The following RAB3GAP2 variants were observed in gnomAD, a reference collection of about 807,000 sequenced individuals.
The protein encoded by RAB3GAP2 is RAB3 GTPase activating non-catalytic protein subunit 2, also known as rab3 GTPase-activating protein non-catalytic subunit.
In RAB3GAP2, 87 loss-of-function variants were observed where a neutral mutation model predicts 185.3. The observed-to-expected ratio is 0.47, with a 90% CI of 0.39 to 0.56. The LOEUF (loss-of-function observed/expected upper bound fraction) is 0.56. Among genes scored for constraint, RAB3GAP2 ranks in the 20% least tolerant of loss-of-function variants. The pLI is 0.00. For synonymous variants in RAB3GAP2, 554 were observed against 576.1 expected, an observed-to-expected ratio of 0.96 and a Z score of 0.55; for missense variants, 1,492 against 1,638.2, an observed-to-expected ratio of 0.91 and a Z score of 1.54.
Position 220,148,906 on chromosome 1 carries a change from A to AATT in RAB3GAP2, c.*2342_*2344dup, listed in dbSNP as rs1223799576. On this transcript the variant is annotated 3_prime_UTR_variant, in exon 35 of 35. Coordinates refer to ENST00000358951, the MANE Select transcript of RAB3GAP2 (RefSeq NM_012414.4). ...GTTTTCCTTCAGCATTATACAATATAATTTAATAAGATACAAATGCATATT... is the reference window on the plus strand; with the variant it reads ...GTTTTCCTTCAGCATTATACAATATAATTATTTAATAAGATACAAATGCATATT... 6.6e-6 allele frequency: 1 copy of AATT among 152,170 alleles called. No homozygotes were observed. Among genetic ancestry groups the AATT allele is most frequent in the Admixed American group, 6.5e-5 (1 of 15,278 alleles). 9.4% of individuals were successfully genotyped at this position (152,170 alleles called of 1,614,324 possible).
intron 2 of RAB3GAP2, among the ~76,000 whole-genome samples, chr1:220,227,791 G>A (rs771823568): frequency 6.6e-6 from 1 of 152,188 alleles, no homozygotes; most frequent in Non-Finnish European, 1.5e-5. Context: ...TTACTCTGTT[G>A]CTCAGGCTGG....
At chr1:220,190,038 T>C (rs767610094) in intron 16 of RAB3GAP2, 26 bp downstream of exon 16, 1 of 1,519,586 alleles carries the variant, frequency 6.6e-7, no homozygotes. Flanking sequence ...CAATATGCTT[T>C]ATTATTTGTA....
chr1:220,211,125 T>C (rs758818509), intron 4 of RAB3GAP2, 123 bp from the exon 5 acceptor site: 39 of 921,724 alleles, frequency 4.2e-5, no homozygotes, highest in Non-Finnish European at 5.5e-5. Context: ...TTTTATTTGA[T>C]GCATAAGTAA....
At chr1:220,174,480 A>T (rs1183327988) in intron 21 of RAB3GAP2, among the ~76,000 whole-genome samples, 1 of 152,196 alleles carries the variant, frequency 6.6e-6, no homozygotes, top group Non-Finnish European at 1.5e-5. Flanking sequence ...AAATAAGCAC[A>T]TCATGAAGAA....
intron 2 of RAB3GAP2, among the ~76,000 whole-genome samples, chr1:220,226,229 T>A (rs1659399694): frequency 6.6e-6 from 1 of 152,164 alleles, no homozygotes; most frequent in Admixed American, 6.5e-5. Flanking sequence ...AGTCTATACT[T>A]CCTACCATTG....
chr1:220,239,989 T>TAAAAAA (rs146214516), intron 1 of RAB3GAP2, among the ~76,000 whole-genome samples: 3 of 135,010 alleles, frequency 2.2e-5, no homozygotes, highest in Admixed American at 7.4e-5. Context: ...TTTTGAAGAT[T>TAAAAAA]AAAAAAAAAA....
chr1:220,195,211 G>T (rs780036040), intron 11 of RAB3GAP2, 44 bp from the exon 12 acceptor site: 30 of 1,606,614 alleles, frequency 1.9e-5, no homozygotes, highest in Non-Finnish European at 2.4e-5. Context: ...AGCTTCCAGG[G>T]TTTTAAAGTG....
At position 220,184,027 on chromosome 1, in the gene RAB3GAP2, A is replaced by T; in HGVS notation, c.1998+9T>A. On this transcript the variant is annotated intron_variant, in intron 19 of 34. Transcript: ENST00000358951. ...TATTTTATATAATATAAAATGTGGG[A>T]TTACTCACATTATCAGAGAATGGTG... The T allele has an allele frequency of 6.6e-7, 1 of 1,524,124 alleles. No homozygotes were observed. The highest frequency in any genetic ancestry group is 1.2e-5 in the South Asian group (1 of 85,746). 94.4% of individuals were successfully genotyped at this position (1,524,124 alleles called of 1,614,324 possible).
intron 17 of RAB3GAP2, among the ~76,000 whole-genome samples, chr1:220,186,789 T>C (rs1370187689): frequency 6.6e-6 from 1 of 152,138 alleles, no homozygotes; most frequent in East Asian, 1.9e-4. Flanking sequence ...CAAGAAGACA[T>C]TTTGCATTAT....
Position 220,171,952 on chromosome 1 carries a change from C to T in RAB3GAP2, c.2514G>A (p.Leu838=), listed in dbSNP as rs752047378. 1 of 1,614,190 alleles carries T rather than the reference C, an allele frequency of 6.2e-7. No homozygotes were observed. Among genetic ancestry groups the T allele is most frequent in the South Asian group, 1.1e-5 (1 of 91,078 alleles). ...CAGAATGCCCAACATGCGCAGACAA[C>T]AGAGCGGCTCCATTGTTCTCAGACT... ...CIQSENNGAA[L]LSAHVGHSVA... is the part of the protein sequence containing the mutation. The change falls in exon 23 of 35, where the codon CTG becomes CTA. Residue 838 remains leucine (L), a synonymous_variant. Transcript: ENST00000358951.
In RAB3GAP2 at chr1:220,157,670, G is replaced by C. The variant is rs937507824; in HGVS notation, c.3336+132C>G. On this transcript the variant is annotated intron_variant, in intron 30 of 34. Coordinates refer to ENST00000358951, the MANE Select transcript of RAB3GAP2 (RefSeq NM_012414.4). ...AATAAGAAAACATCACTACCTTCTGGGCTCAAGTCAAAATTTAGAAATGAA... is the reference window on the plus strand; with the variant it reads ...AATAAGAAAACATCACTACCTTCTGCGCTCAAGTCAAAATTTAGAAATGAA... 3.8e-6 allele frequency: 4 copies of C among 1,051,842 alleles called. No individual in the cohort carries two copies. The African/African-American group carries it at 6.4e-5, about 17-fold the overall frequency. The allele number at this position is 1,051,842 out of a possible 1,614,324, so 65.2% of individuals were successfully genotyped here.
intron 1 of RAB3GAP2, chr1:220,254,397 T>C (rs1659996116): frequency 1.2e-5 from 19 of 1,613,040 alleles, no homozygotes; most frequent in South Asian, 5.5e-5. Flanking sequence ...TGTTGGCCTA[T>C]ACACCTCTGG....
chr1:220,267,564 T>C (rs1345080325), intron 1 of RAB3GAP2: 1 of 1,376,850 alleles, frequency 7.3e-7, no homozygotes. Flanking sequence ...TTCATTTTTC[T>C]GTTTTGATGC....
intron 21 of RAB3GAP2, among the ~76,000 whole-genome samples, chr1:220,181,403 G>A (rs555723563): frequency 2.6e-5 from 4 of 152,310 alleles, no homozygotes; most frequent in African/African-American, 9.6e-5. Flanking sequence ...GTGTATGCAT[G>A]CATGTGTAGG....
chr1:220,157,696 T>C (rs1278820534), intron 30 of RAB3GAP2, 106 bp downstream of exon 30: 11 of 1,140,620 alleles, frequency 9.6e-6, no homozygotes, highest in East Asian at 2.5e-5. Flanking sequence ...TAGAAATGAA[T>C]GAATGAAAAA....
At chr1:220,190,655 C>T in intron 14 of RAB3GAP2, 135 bp from the exon 15 acceptor site, 1 of 863,606 alleles carries the variant, frequency 1.2e-6, no homozygotes, top group Non-Finnish European at 1.8e-6. Context: ...ATACTGATAG[C>T]AAGTACATAA....
chr1:220,236,451 T>C (rs985877286), intron 1 of RAB3GAP2, among the ~76,000 whole-genome samples: 2 of 152,106 alleles, frequency 1.3e-5, no homozygotes, highest in African/African-American at 2.4e-5. Context: ...GCTGGGATTA[T>C]AGGCATGAGA....
chr1:220,167,965 A>T (rs751722279), intron 24 of RAB3GAP2, among the ~76,000 whole-genome samples: 27 of 152,264 alleles, frequency 1.8e-4, no homozygotes, highest in Admixed American at 7.9e-4. Flanking sequence ...TTCTAAGTTC[A>T]AAATACACTT....
chr1:220,267,690 T>C, intron 1 of RAB3GAP2: 2 of 1,557,048 alleles, frequency 1.3e-6, no homozygotes, highest in Admixed American at 3.3e-5. Flanking sequence ...CAATTGCTTC[T>C]GCTTCTGATT....
Sources: allele counts gnomAD v4.1 joint callset (sites outside exome capture counted in the v4.1 genomes callset), GRCh38; gene constraint gnomAD v4.1.1; transcripts MANE v1.5; gene names NCBI Gene and HGNC (gene_info 2026-07-23, HGNC 2026-07-21).